Variants in CTNNA3 observed in about 807,000 individuals in gnomAD.
CTNNA3 encodes catenin alpha 3, also known as catenin alpha-3.
Under a neutral mutation model 95.7 loss-of-function variants are expected in CTNNA3, and 76 were observed. The observed-to-expected ratio is 0.79, with a 90% CI of 0.66 to 0.96. The LOEUF is 0.96. CTNNA3 is among the 40% of genes least tolerant of loss of function. CTNNA3 has a pLI of 0.00. For synonymous variants in CTNNA3, 431 were observed against 374.4 expected, an observed-to-expected ratio of 1.15 and a Z score of -1.74; for missense variants, 1,191 against 1,089.8, an observed-to-expected ratio of 1.09 and a Z score of -1.31.
intron 1 of CTNNA3, among the ~76,000 whole-genome samples, chr10:67,659,715 T>C (rs1186528632): frequency 6.6e-6 from 1 of 152,230 alleles, no homozygotes; most frequent in Non-Finnish European, 1.5e-5. Flanking sequence ...AATGTGCCCT[T>C]CACATACACT....
chr10:67,185,197 C>T (rs1201907365), intron 6 of CTNNA3, among the ~76,000 whole-genome samples: 10 of 151,770 alleles, frequency 6.6e-5, no homozygotes, highest in Non-Finnish European at 1.2e-4. Flanking sequence ...GGCGCGATCT[C>T]GGCTCACTGC....
intron 12 of CTNNA3, among the ~76,000 whole-genome samples, chr10:66,333,914 T>C (rs2132330257): frequency 6.6e-6 from 1 of 152,206 alleles, no homozygotes; most frequent in Admixed American, 6.5e-5. Flanking sequence ...TGGGTGCTCC[T>C]GTATGTGGTG....
chr10:67,683,684 A>T (rs1366388425), intron 1 of CTNNA3, among the ~76,000 whole-genome samples: 1 of 152,210 alleles, frequency 6.6e-6, no homozygotes, highest in Non-Finnish European at 1.5e-5. Context: ...GATCTCACTG[A>T]CTTCAAGAAC....
intron 5 of CTNNA3, among the ~76,000 whole-genome samples, chr10:67,408,880 T>TCC (rs1845248815): frequency 1.1e-4 from 1 of 8,864 alleles, no homozygotes; most frequent in African/African-American, 2.3e-4. Context: ...AACTTAAATT[T>TCC]ACAAAAAAAA....
At chr10:66,117,111 G>A (rs10996913) in intron 13 of CTNNA3, among the ~76,000 whole-genome samples, 32,366 of 152,018 alleles carry the variant, frequency 0.21, 3,588 homozygotes, top group Admixed American at 0.27. Flanking sequence ...GAGTTGGTGG[G>A]AGGAGTGAAC....
At chr10:67,598,329 G>A (rs754962681) in intron 3 of CTNNA3, among the ~76,000 whole-genome samples, 46 of 152,214 alleles carry the variant, frequency 3.0e-4, no homozygotes, top group Admixed American at 7.2e-4. Flanking sequence ...GGTCCCTGGT[G>A]AGAGCAGGCC....
intron 5 of CTNNA3, among the ~76,000 whole-genome samples, chr10:67,249,644 T>G (rs1866031257): frequency 6.6e-6 from 1 of 152,208 alleles, no homozygotes; most frequent in Non-Finnish European, 1.5e-5. Flanking sequence ...GAGCCACACA[T>G]ACATTTAAGA....
At chr10:66,825,460 G>T (rs576376624) in intron 7 of CTNNA3, among the ~76,000 whole-genome samples, 2 of 151,560 alleles carry the variant, frequency 1.3e-5, no homozygotes, top group Non-Finnish European at 2.9e-5. Context: ...ATTTTTAGTA[G>T]AGATGGAGTT....
At chr10:66,228,436 G>A (rs2089427933) in intron 13 of CTNNA3, among the ~76,000 whole-genome samples, 1 of 151,834 alleles carries the variant, frequency 6.6e-6, no homozygotes, top group African/African-American at 2.4e-5. Flanking sequence ...CCATTCAGGG[G>A]CACGTTGTTT....
chr10:66,123,527 C>T (rs2082679175), intron 13 of CTNNA3, among the ~76,000 whole-genome samples: 1 of 152,072 alleles, frequency 6.6e-6, no homozygotes, highest in South Asian at 2.1e-4. Context: ...GATGGTGGCC[C>T]TCTTCTCACA....
chr10:66,938,939 C>T (rs544472035), intron 7 of CTNNA3, among the ~76,000 whole-genome samples: 2 of 152,294 alleles, frequency 1.3e-5, no homozygotes, highest in South Asian at 4.1e-4. Context: ...CGTCCACATC[C>T]TCCTGAGAAA....
chr10:66,309,673 G>A (rs867511928), intron 12 of CTNNA3, among the ~76,000 whole-genome samples: 129 of 97,466 alleles, frequency 1.3e-3, no homozygotes, highest in Middle Eastern at 0.02. Flanking sequence ...GCGGCAGAGC[G>A]AGACTCCGTC....
intron 11 of CTNNA3, among the ~76,000 whole-genome samples, chr10:66,435,106 C>CT (rs1213179801): frequency 6.6e-5 from 10 of 151,696 alleles, no homozygotes; most frequent in South Asian, 6.3e-4. Context: ...CTGAAATTTT[C>CT]TTTTTTTTGT....
At chr10:67,118,326 T>C (rs1859289494) in intron 7 of CTNNA3, among the ~76,000 whole-genome samples, 1 of 151,954 alleles carries the variant, frequency 6.6e-6, no homozygotes, top group South Asian at 2.1e-4. Context: ...TAAGTAGTTT[T>C]CCATTATCAT....
In CTNNA3 at chr10:66,766,401, T is replaced by A. The variant is rs1312731220; in HGVS notation, c.1144A>T (p.Ile382Leu). 1 of 1,613,006 alleles carries A rather than the reference T, an allele frequency of 6.2e-7. No homozygotes were observed. The highest frequency in any genetic ancestry group is 8.5e-7 in the Non-Finnish European group (1 of 1,179,388). ...DLRRQLRKAIIDHVSDSFLDT... is the reference protein window; with the variant it reads ...DLRRQLRKAILDHVSDSFLDT... ...AGGAAAGAGTCTGACACATGATCTATAATAGCCTTGCGGAGCTGAGAAGAA... is the reference window on the plus strand; with the variant it reads ...AGGAAAGAGTCTGACACATGATCTAAAATAGCCTTGCGGAGCTGAGAAGAA... The change falls in exon 9 of 18, where the codon ATA (isoleucine) becomes TTA (leucine). Residue 382 changes from isoleucine to leucine, a missense_variant. Ile to Leu is a conservative substitution (Grantham distance 5). Coordinates refer to ENST00000433211, the MANE Select transcript of CTNNA3 (RefSeq NM_013266.4).
At chr10:67,726,619 A>C (rs1564841348) in intron 1 of CTNNA3, among the ~76,000 whole-genome samples, 60 of 62,996 alleles carry the variant, frequency 9.5e-4, no homozygotes, top group Non-Finnish European at 1.1e-3. Context: ...ATAATATATA[A>C]TATATATTAT....
At chr10:65,993,350 T>G (rs2078582656) in intron 15 of CTNNA3, among the ~76,000 whole-genome samples, 1 of 152,222 alleles carries the variant, frequency 6.6e-6, no homozygotes. Flanking sequence ...TGTTGAAGTC[T>G]CCAACTATTA....
chr10:67,377,515 G>A (rs1258145886), intron 5 of CTNNA3, among the ~76,000 whole-genome samples: 2 of 152,052 alleles, frequency 1.3e-5, no homozygotes, highest in Non-Finnish European at 2.9e-5. Flanking sequence ...TTCAACGACT[G>A]ATTTAAAGTA....
intron 5 of CTNNA3, among the ~76,000 whole-genome samples, chr10:67,347,652 T>C (rs1842478216): frequency 6.6e-6 from 1 of 152,160 alleles, no homozygotes; most frequent in African/African-American, 2.4e-5. Context: ...TTAGTTTCAA[T>C]ATTTAACATG....
Sources: gnomAD v4.1 joint callset for allele counts (sites outside exome capture counted in the v4.1 genomes callset) on GRCh38, gnomAD v4.1.1 for gene constraint, MANE v1.5 for transcripts, NCBI Gene and HGNC (gene_info 2026-07-23, HGNC 2026-07-21) for gene names.